FAM9B: variants seen among roughly 807,000 people sequenced by gnomAD.
FAM9B encodes family with sequence similarity 9 member B, also known as protein FAM9B.
A neutral mutation model predicts 16.6 loss-of-function variants in FAM9B; 18 were observed. The ratio of observed to expected loss-of-function variants is 1.09; its 90% CI spans 0.75 to 1.61. The LOEUF (loss-of-function observed/expected upper bound fraction) is 1.61. Ranked by LOEUF, FAM9B falls within the 40% of genes most tolerant of loss-of-function variation. FAM9B has a pLI of 0.00. For synonymous variants in FAM9B, 43 were observed against 42.6 expected (o/e 1.01, Z -0.03); for missense variants, 155 against 136.0 (o/e 1.14, Z -0.70).
At chrX:9,026,302 TGAGGGAA>T (rs1173116372) in intron 7 of FAM9B, among the ~76,000 whole-genome samples, 2 of 111,305 alleles carry the variant, frequency 1.8e-5, no homozygotes, top group Admixed American at 1.9e-4. Context: ...AAAAGTATTG[TGAGGGAA>T]GAGCATGAGC....
chrX:9,027,907 CCT>C lies in FAM9B; in HGVS notation c.451_452del (p.Arg151AlafsTer9), dbSNP rs1569138028. Reference protein sequence around the residue: ...WQQYRSVRRERLKEMKLLRDQ... With the variant: ...WQQYRSVRREXLKEMKLLRDQ... ...CACGTAGCAGCTTCATCTCTTTCAG[CCT>C]CTCTCTCCTAACACTTCTATATTGT... On this transcript the variant is annotated frameshift_variant, in exon 7 of 9. Coordinates refer to ENST00000327220, the MANE Select transcript of FAM9B (RefSeq NM_205849.3). LOFTEE classifies it high-confidence loss of function. 8.3e-7 allele frequency: 1 copy of C among 1,210,639 alleles called. No homozygotes were observed.
In FAM9B at chrX:9,033,016, C is replaced by A; in HGVS notation, c.-30G>T. On this transcript the variant is annotated 5_prime_UTR_variant, in exon 2 of 9. Coordinates refer to ENST00000327220, the MANE Select transcript of FAM9B (RefSeq NM_205849.3). ...TGAGCCTCCAACTGGGCCTTGGCAG[C>A]CCTCCTGCCCACAGGATCCGTGGCT... 8.3e-7 allele frequency: 1 copy of A among 1,211,943 alleles called. No homozygotes were observed. Among genetic ancestry groups the A allele is most frequent in the Admixed American group, 2.2e-5 (1 of 46,087 alleles).
At chrX:9,026,084 G>A (rs1261736642) in intron 7 of FAM9B, among the ~76,000 whole-genome samples, 1 of 111,412 alleles carries the variant, frequency 9.0e-6, no homozygotes, top group Non-Finnish European at 1.9e-5. Flanking sequence ...TCCCTAAAAT[G>A]TTGTAGGTTA....
chrX:9,033,592 G>A (rs868363432), intron 1 of FAM9B, among the ~76,000 whole-genome samples: 1 of 12,899 alleles, frequency 7.8e-5, no homozygotes, highest in Non-Finnish European at 1.4e-4. Flanking sequence ...TCCCCCCCTC[G>A]GCCCCTCCCC....
chrX:9,032,928 C>A (rs750627252), intron 2 of FAM9B, 31 bp downstream of exon 2: 12 of 1,206,644 alleles, frequency 9.9e-6, no homozygotes, highest in Non-Finnish European at 1.2e-5. Context: ...GGGCGTGCAC[C>A]TTCTTCTGGG....
chrX:9,029,060 C>T (rs1183035099), intron 6 of FAM9B, among the ~76,000 whole-genome samples: 1 of 111,928 alleles, frequency 8.9e-6, no homozygotes, highest in East Asian at 2.8e-4. Context: ...GAAATTCCAA[C>T]CCTACAGCTG....
rs759581024 is a variant in FAM9B, at chrX:9,032,981, C to A, written c.6G>T (p.Ala2=). 109 of 1,210,284 alleles carry A rather than the reference C, an allele frequency of 9.0e-5. No individual in the cohort carries two copies. In the East Asian group the frequency reaches 2.9e-3, roughly 32 times the overall value. The change falls in exon 2 of 9, where the codon GCG becomes GCT. Residue 2 remains alanine, a synonymous_variant. Transcript: ENST00000327220. ...TACCTGCATGCTTCTTCCCCCAGGCCGCCATAAATTGAGCCTCCAACTGGG... is the reference window on the plus strand; with the variant it reads ...TACCTGCATGCTTCTTCCCCCAGGCAGCCATAAATTGAGCCTCCAACTGGG... The part of the protein sequence containing the change: M[A]AWGKKHAGKD...
chrX:9,033,700 A>AAACCCC, intron 1 of FAM9B, 152 bp downstream of exon 1: 2 of 101,848 alleles, frequency 2.0e-5, no homozygotes, highest in Non-Finnish European at 1.2e-5. Context: ...AGCCCACCCT[A>AAACCCC]GCCCACCCTC....
rs1921104929 is a variant in FAM9B, at chrX:9,032,432, C to A, written c.58G>T (p.Glu20Ter). The A allele has an allele frequency of 8.3e-7, 1 of 1,208,987 alleles. No homozygotes were observed. Among genetic ancestry groups the A allele is most frequent in the Non-Finnish European group, 1.1e-6 (1 of 895,013 alleles). The change falls in exon 3 of 9, where the codon GAA (glutamate) becomes TAA (stop). Residue 20 changes from glutamate to a stop codon, truncating the protein, a stop_gained. Coordinates refer to ENST00000327220, the MANE Select transcript of FAM9B (RefSeq NM_205849.3). LOFTEE classifies it high-confidence loss of function. Reference protein sequence around the residue: ...GKDPVRDECEERNRFTETREE... With the variant: ...GKDPVRDECE ...CTTGTTTCTGTAAAACGGTTTCTTTCCTCACATTCATCACGGACTGGATCC... is the reference window on the plus strand; with the variant it reads ...CTTGTTTCTGTAAAACGGTTTCTTTACTCACATTCATCACGGACTGGATCC...
Position 9,032,173 on chromosome X carries a change from G to C in FAM9B, c.150-12C>G. 1 of 1,203,249 alleles carries C rather than the reference G, an allele frequency of 8.3e-7. No homozygotes were observed. The highest frequency in any genetic ancestry group is 1.1e-6 in the Non-Finnish European group (1 of 891,895). The stretch of plus-strand genomic sequence containing the variant: ...TCTTGGTATTAGCCCTGTAAAAAAA[G>C]TTACATCAAAATTTTAACAAAATAC... On this transcript the variant is annotated splice_polypyrimidine_tract_variant and intron_variant, in intron 3 of 8. Transcript: ENST00000327220.
chrX:9,032,528 G>T, intron 2 of FAM9B, 67 bp from the exon 3 acceptor site: 7 of 593,848 alleles, frequency 1.2e-5, no homozygotes, highest in Non-Finnish European at 1.5e-5. Flanking sequence ...TTTTTGTGGA[G>T]AAATGTACTA....
At chrX:9,025,674 T>TTAA (rs1238876369) in intron 7 of FAM9B, 91 bp from the exon 8 acceptor site, 13 of 684,560 alleles carry the variant, frequency 1.9e-5, no homozygotes, top group Non-Finnish European at 2.9e-5. Context: ...GAAACAGCTT[T>TTAA]TAATATTCAA....
At chrX:9,028,075 A>T in intron 6 of FAM9B, 109 bp from the exon 7 acceptor site, 1 of 521,627 alleles carries the variant, frequency 1.9e-6, no homozygotes, top group Non-Finnish European at 3.2e-6. Context: ...ATACCTCTGA[A>T]CACTTTCTTT....
Position 9,027,856 on chromosome X carries a change from A to T in FAM9B, c.492+12T>A, listed in dbSNP as rs1350547569. The T allele has an allele frequency of 8.4e-7, 1 of 1,186,153 alleles. No individual in the cohort carries two copies. ...TATTTTATAATGTATTATGTTACCA[A>T]ATAGAACAGACCTTTACGAATTGGT... is the stretch of plus-strand genomic sequence containing the variant. On this transcript the variant is annotated intron_variant, in intron 7 of 8. Coordinates refer to ENST00000327220, the MANE Select transcript of FAM9B (RefSeq NM_205849.3).
intron 2 of FAM9B, 92 bp from the exon 3 acceptor site, chrX:9,032,553 T>TTGG: frequency 6.7e-6 from 2 of 296,476 alleles, no homozygotes; most frequent in Non-Finnish European, 1.2e-5. Flanking sequence ...TAGACTTTTT[T>TTGG]GGGGGGGGGG....
rs1921036673 is a variant in FAM9B, at chrX:9,030,445, T to C, written c.182-85A>G. ...TTCTTTGCATATACTGACATCAATA[T>C]GGGACTTTATGGTTCAGCAATTTCA... On this transcript the variant is annotated intron_variant, in intron 4 of 8. Transcript: ENST00000327220. 4 of 607,606 alleles carry C rather than the reference T, an allele frequency of 6.6e-6. No homozygotes were observed. In the South Asian group the frequency reaches 1.7e-4, roughly 27 times the overall value. The allele number at this position is 607,606 out of a possible 1,213,427, so 50.1% of individuals were successfully genotyped here.
chrX:9,033,296 C>CTCCAA, intron 1 of FAM9B: 2 of 1,070,333 alleles, frequency 1.9e-6, no homozygotes, highest in Non-Finnish European at 2.4e-6. Flanking sequence ...CACACCTGAA[C>CTCCAA]TCCACGGCCT....
Position 9,025,595 on chromosome X carries a change from A to T in FAM9B, c.493-12T>A. The T allele has an allele frequency of 3.4e-6, 4 of 1,187,907 alleles. No homozygotes were observed. Among genetic ancestry groups the T allele is most frequent in the Non-Finnish European group, 4.5e-6 (4 of 880,061 alleles). ...AAGTCCTCAAGAGCCTAAAAGAAAA[A>T]GTCTAGTTCACTGACAAACCACCAC... On this transcript the variant is annotated splice_polypyrimidine_tract_variant and intron_variant, in intron 7 of 8. Transcript: ENST00000327220.
intron 1 of FAM9B, chrX:9,033,650 C>A (rs1425957338): frequency 6.1e-6 from 4 of 660,599 alleles, no homozygotes; most frequent in Non-Finnish European, 5.3e-6. Context: ...CTAGGGATCA[C>A]CCAGGCAGCT....
Sources: gnomAD v4.1 joint callset for allele counts (sites outside exome capture counted in the v4.1 genomes callset) on GRCh38, gnomAD v4.1.1 for gene constraint, MANE v1.5 for transcripts, NCBI Gene and HGNC (gene_info 2026-07-23, HGNC 2026-07-21) for gene names.